TMEM117: variants seen among roughly 807,000 people sequenced by gnomAD.
The protein encoded by TMEM117 is transmembrane protein 117.
TMEM117 carries 27 observed loss-of-function variants against 52.4 expected under a neutral mutation model. That is an observed-to-expected ratio of 0.51 (90% CI 0.38 to 0.71). TMEM117 has a LOEUF of 0.71. TMEM117 is among the 30% of genes least tolerant of loss of function. The pLI, the probability that TMEM117 is intolerant of heterozygous loss-of-function variation, is 0.00. For synonymous variants in TMEM117, 215 were observed against 206.3 expected (o/e 1.04, Z -0.36); for missense variants, 556 against 630.5 (o/e 0.88, Z 1.26).
At chr12:44,385,289 G>A (rs1263863606) in intron 7 of TMEM117, among the ~76,000 whole-genome samples, 1 of 152,180 alleles carries the variant, frequency 6.6e-6, no homozygotes, top group Non-Finnish European at 1.5e-5. Flanking sequence ...CCATCTAAAT[G>A]TTCAGACATC....
At chr12:43,813,138 C>G in the TMEM117 span, among the ~76,000 whole-genome samples, 1 of 151,658 alleles carries the variant, frequency 6.6e-6, no homozygotes, top group African/African-American at 2.4e-5. Context: ...CTCCATGGGT[C>G]CATCCCACTT....
chr12:44,092,965 G>T (rs1261907221), intron 3 of TMEM117, among the ~76,000 whole-genome samples: 7 of 152,154 alleles, frequency 4.6e-5, no homozygotes, highest in Non-Finnish European at 7.4e-5. Flanking sequence ...TTGGAGTGGG[G>T]TTTGGAGCAG....
chr12:44,327,140 C>T (rs939463605), intron 6 of TMEM117, among the ~76,000 whole-genome samples: 6 of 152,070 alleles, frequency 3.9e-5, no homozygotes, highest in Admixed American at 3.9e-4. Flanking sequence ...TACATATCCT[C>T]TCTTCTAAGA....
chr12:44,091,382 G>T (rs1395325444), intron 3 of TMEM117, among the ~76,000 whole-genome samples: 2 of 152,134 alleles, frequency 1.3e-5, no homozygotes, highest in African/African-American at 4.8e-5. Context: ...TTAGGATGAG[G>T]CCTCATGCTT....
chr12:44,103,671 A>C (rs1395461602), intron 3 of TMEM117, among the ~76,000 whole-genome samples: 1 of 151,970 alleles, frequency 6.6e-6, no homozygotes, highest in African/African-American at 2.4e-5. Flanking sequence ...GAAACTTTGC[A>C]TGCTGATGGA....
chr12:43,937,639 A>G (rs1034208148), intron 2 of TMEM117, among the ~76,000 whole-genome samples: 47 of 152,206 alleles, frequency 3.1e-4, no homozygotes, highest in African/African-American at 1.1e-3. Flanking sequence ...CAGCTTAAAG[A>G]ACTGAACGGC....
At chr12:44,366,830 A>G (rs1951796175) in intron 6 of TMEM117, among the ~76,000 whole-genome samples, 1 of 152,150 alleles carries the variant, frequency 6.6e-6, no homozygotes, top group African/African-American at 2.4e-5. Flanking sequence ...TTCAAGACAC[A>G]GTGAACTTAA....
At chr12:43,961,352 T>C (rs917709662) in intron 3 of TMEM117, among the ~76,000 whole-genome samples, 2 of 152,108 alleles carry the variant, frequency 1.3e-5, no homozygotes, top group Non-Finnish European at 2.9e-5. Context: ...TATCATGCAA[T>C]TGTAATAGTT....
chr12:44,103,141 G>A (rs1030942009), intron 3 of TMEM117, among the ~76,000 whole-genome samples: 1 of 151,724 alleles, frequency 6.6e-6, no homozygotes, highest in Non-Finnish European at 1.5e-5. Context: ...GTAGAGTTAA[G>A]GAGAGAGGCA....
intron 3 of TMEM117, among the ~76,000 whole-genome samples, chr12:44,118,021 C>T (rs1471855839): frequency 6.6e-6 from 1 of 151,618 alleles, no homozygotes; most frequent in Admixed American, 6.6e-5. Flanking sequence ...TCCTGATACA[C>T]ACCTTGACTT....
intron 5 of TMEM117, among the ~76,000 whole-genome samples, chr12:44,269,360 T>C (rs1284434505): frequency 2.0e-5 from 3 of 152,114 alleles, no homozygotes; most frequent in African/African-American, 4.8e-5. Context: ...AATTATTCTA[T>C]TATGCTAATT....
At chr12:44,098,459 T>C (rs1947810264) in intron 3 of TMEM117, among the ~76,000 whole-genome samples, 1 of 152,072 alleles carries the variant, frequency 6.6e-6, no homozygotes, top group Non-Finnish European at 1.5e-5. Flanking sequence ...AAGTTTCTGA[T>C]CATAATTTGG....
At chr12:44,205,824 A>G (rs943233466) in intron 4 of TMEM117, among the ~76,000 whole-genome samples, 1 of 152,222 alleles carries the variant, frequency 6.6e-6, no homozygotes, top group African/African-American at 2.4e-5. Flanking sequence ...AATGTAAATG[A>G]GTTCAGCCAC....
chr12:43,828,448 A>G, the TMEM117 span, among the ~76,000 whole-genome samples: 3 of 152,200 alleles, frequency 2.0e-5, no homozygotes, highest in African/African-American at 7.2e-5. Context: ...TTATTCCTTC[A>G]CATGAAATAC....
At chr12:43,975,968 A>G (rs752608636) in intron 3 of TMEM117, among the ~76,000 whole-genome samples, 3 of 152,190 alleles carry the variant, frequency 2.0e-5, no homozygotes, top group African/African-American at 7.2e-5. Context: ...TCCTCAGCCT[A>G]TCAGTCTTTG....
At chr12:44,313,797 TCTC>T (rs1457518331) in intron 6 of TMEM117, among the ~76,000 whole-genome samples, 6 of 152,294 alleles carry the variant, frequency 3.9e-5, no homozygotes, top group African/African-American at 1.2e-4. Flanking sequence ...GTTTTGTAGT[TCTC>T]CTTGTAGAGA....
At chr12:44,373,775 T>C (rs1374976774) in intron 6 of TMEM117, among the ~76,000 whole-genome samples, 13 of 121,788 alleles carry the variant, frequency 1.1e-4, no homozygotes, top group African/African-American at 4.5e-4. Flanking sequence ...CATTTCCTTT[T>C]TTTTTTTTTT....
intron 6 of TMEM117, among the ~76,000 whole-genome samples, chr12:44,316,933 G>A (rs866221033): frequency 6.7e-6 from 1 of 149,152 alleles, no homozygotes; most frequent in African/African-American, 2.5e-5. Flanking sequence ...AGCTCTGACT[G>A]ATTTTCTTTA....
chr12:44,372,242 G>T (rs1014224286), intron 6 of TMEM117, among the ~76,000 whole-genome samples: 2 of 152,186 alleles, frequency 1.3e-5, no homozygotes, highest in African/African-American at 4.8e-5. Context: ...CCCAGGATTA[G>T]CCTCTCTACC....
Sources: gnomAD v4.1 joint callset for allele counts (sites outside exome capture counted in the v4.1 genomes callset) on GRCh38, gnomAD v4.1.1 for gene constraint, MANE v1.5 for transcripts, NCBI Gene and HGNC (gene_info 2026-07-23, HGNC 2026-07-21) for gene names.